Variants in KIAA0586 observed in about 807,000 individuals in gnomAD.
The protein encoded by KIAA0586 is protein TALPID3.
A neutral mutation model predicts 169.8 loss-of-function variants in KIAA0586; 144 were observed. The observed-to-expected ratio is 0.85, with a 90% CI of 0.74 to 0.97. The LOEUF is 0.97. Ranked by LOEUF, KIAA0586 falls within the 50% of genes least tolerant of loss-of-function variation. The probability of loss-of-function intolerance (pLI) is 0.00; values close to 1 mark genes in which losing one functional copy is unlikely to be tolerated. For missense variants in KIAA0586, 1,854 were observed against 1,823.0 expected (o/e 1.02, Z -0.31); for synonymous variants, 625 against 612.4 (o/e 1.02, Z -0.30).
the KIAA0586 span, among the ~76,000 whole-genome samples, chr14:58,559,184 C>A: frequency 6.6e-6 from 1 of 152,218 alleles, no homozygotes. Context: ...TTTCACCCAG[C>A]ACATGTGCAG....
At chr14:58,488,973 T>G in intron 24 of KIAA0586, 99 bp downstream of exon 24, 1 of 1,286,240 alleles carries the variant, frequency 7.8e-7, no homozygotes, top group Non-Finnish European at 1.1e-6. Flanking sequence ...CTTTCAAGAT[T>G]TAACATGGTA....
At chr14:58,492,384 G>T in intron 26 of KIAA0586, 109 bp downstream of exon 26, 2 of 903,168 alleles carry the variant, frequency 2.2e-6, no homozygotes, top group Middle Eastern at 3.4e-4. Flanking sequence ...TTTTTCAAGG[G>T]TCAGTGTTAC....
Position 58,444,184 on chromosome 14 carries a change from A to ACTGG in KIAA0586, c.807+9_807+10insCTGG. 1.3e-6 allele frequency: 2 copies of ACTGG among 1,548,406 alleles called. No individual in the cohort carries two copies. Among genetic ancestry groups the ACTGG allele is most frequent in the Non-Finnish European group, 1.8e-6 (2 of 1,122,004 alleles). On this transcript the variant is annotated intron_variant, in intron 6 of 30. Transcript: ENST00000652326. The stretch of plus-strand genomic sequence containing the variant: ...AACAAATAGATATTCAGGTATCTGT[A>ACTGG]ATAAATCCAGTACAGATTCCATAAT...
intron 4 of KIAA0586, among the ~76,000 whole-genome samples, chr14:58,438,155 A>G (rs2037994596): frequency 6.6e-6 from 1 of 152,200 alleles, no homozygotes; most frequent in Non-Finnish European, 1.5e-5. Flanking sequence ...AAACTGGCTA[A>G]AAAAGAAGAC....
At chr14:58,513,856 T>C (rs981092093) in intron 29 of KIAA0586, among the ~76,000 whole-genome samples, 1 of 152,080 alleles carries the variant, frequency 6.6e-6, no homozygotes, top group Non-Finnish European at 1.5e-5. Flanking sequence ...GGATGTTGTA[T>C]GTAATGAAAT....
At chr14:58,445,090 C>G (rs1156344261) in intron 6 of KIAA0586, among the ~76,000 whole-genome samples, 1 of 150,752 alleles carries the variant, frequency 6.6e-6, no homozygotes, top group South Asian at 2.1e-4. Flanking sequence ...GAGACCCTAT[C>G]TCAAAAAAAA....
At chr14:58,440,442 C>T (rs960880446) in intron 4 of KIAA0586, among the ~76,000 whole-genome samples, 2 of 152,198 alleles carry the variant, frequency 1.3e-5, no homozygotes, top group African/African-American at 4.8e-5. Context: ...AGCGATTCTC[C>T]TGCCTCAGCC....
At chr14:58,473,996 G>A (rs2041421963) in intron 18 of KIAA0586, among the ~76,000 whole-genome samples, 3 of 152,146 alleles carry the variant, frequency 2.0e-5, no homozygotes, top group Admixed American at 1.3e-4. Context: ...TTCTGGTCAG[G>A]ACCTCAGGAA....
intron 21 of KIAA0586, among the ~76,000 whole-genome samples, chr14:58,484,518 G>A (rs1278242087): frequency 6.6e-6 from 1 of 151,590 alleles, no homozygotes; most frequent in Non-Finnish European, 1.5e-5. Flanking sequence ...CCTAGAACTT[G>A]GTAAATAAAC....
At chr14:58,541,522 G>C (rs1275348074) in intron 30 of KIAA0586, among the ~76,000 whole-genome samples, 1 of 152,146 alleles carries the variant, frequency 6.6e-6, no homozygotes, top group East Asian at 1.9e-4. Flanking sequence ...ATCAGAATAA[G>C]ACAGCCACAA....
At position 58,467,867 on chromosome 14, in the gene KIAA0586, T is replaced by C. The variant is rs1454531587; in HGVS notation, c.2387T>C (p.Ile796Thr). The C allele has an allele frequency of 1.9e-6, 3 of 1,613,636 alleles. No homozygotes were observed. The highest frequency in any genetic ancestry group is 1.7e-5 in the Admixed American group (1 of 59,982). Reference sequence around the variant, plus strand: ...GAAACTGGAGTAAAGAAACCTAACATAGCCATTGTAGAAATGAAGTCAGAA... The same window carrying C: ...GAAACTGGAGTAAAGAAACCTAACACAGCCATTGTAGAAATGAAGTCAGAA... ...KVETGVKKPN[I>T]AIVEMKSEKK... Residue 796 changes from isoleucine to threonine, a missense_variant, in exon 16 of 31, where the codon ATA (isoleucine) becomes ACA (threonine). Ile to Thr is a moderately conservative substitution (Grantham distance 89). Coordinates refer to ENST00000652326, the MANE Select transcript of KIAA0586 (RefSeq NM_001329943.3).
chr14:58,538,123 TC>T (rs1198486965), intron 29 of KIAA0586, among the ~76,000 whole-genome samples: 2 of 152,120 alleles, frequency 1.3e-5, no homozygotes, highest in African/African-American at 2.4e-5. Context: ...ACCACTGCAC[TC>T]CAGCCTGGGT....
At chr14:58,561,707 T>C in the KIAA0586 span, among the ~76,000 whole-genome samples, 3 of 152,230 alleles carry the variant, frequency 2.0e-5, no homozygotes, top group Non-Finnish European at 2.9e-5. Context: ...ATGGATACTT[T>C]AAACTCAAAT....
At chr14:58,466,171 C>T (rs577751675) in intron 15 of KIAA0586, 142 bp downstream of exon 15, 3 of 585,636 alleles carry the variant, frequency 5.1e-6, no homozygotes, top group African/African-American at 3.8e-5. Flanking sequence ...CCACCTCAAC[C>T]TCTCAAAGTG....
chr14:58,486,085 A>G (rs2042417673), intron 21 of KIAA0586, among the ~76,000 whole-genome samples: 1 of 152,132 alleles, frequency 6.6e-6, no homozygotes, highest in Non-Finnish European at 1.5e-5. Context: ...TTTTCAACTC[A>G]TTCCCCTTTC....
intron 7 of KIAA0586, among the ~76,000 whole-genome samples, chr14:58,449,324 C>T (rs907648386): frequency 6.6e-6 from 1 of 152,092 alleles, no homozygotes; most frequent in Non-Finnish European, 1.5e-5. Context: ...TCCAGGAATT[C>T]GAGACCAACC....
chr14:58,534,946 G>A (rs2046193019), intron 29 of KIAA0586, among the ~76,000 whole-genome samples: 4 of 152,150 alleles, frequency 2.6e-5, no homozygotes, highest in African/African-American at 9.7e-5. Flanking sequence ...CAGTACACTT[G>A]TGGAAGCAGT....
rs2039089097 is a variant in KIAA0586, at chr14:58,448,454, T to C, written c.922T>C (p.Cys308Arg). 1 of 1,612,094 alleles carries C rather than the reference T, an allele frequency of 6.2e-7. No homozygotes were observed. The highest frequency in any genetic ancestry group is 1.7e-5 in the Admixed American group (1 of 59,884). ...ACCAGAACACCCTAATCTTGGTAGC[T>C]GTAATCCATCTTTATATAACACATT... ...VKPEHPNLGSCNPSLYNTFAS... is the reference protein window; with the variant it reads ...VKPEHPNLGSRNPSLYNTFAS... The change falls in exon 7 of 31, where the codon TGT (cysteine) becomes CGT (arginine). Residue 308 changes from cysteine to arginine, a missense_variant. Transcript: ENST00000652326.
At chr14:58,477,021 G>A (rs1167884826) in intron 19 of KIAA0586, 102 bp from the exon 20 acceptor site, 2 of 588,190 alleles carry the variant, frequency 3.4e-6, no homozygotes, top group African/African-American at 1.9e-5. Context: ...ACATGTTTGT[G>A]GCATTGGTAA....
Sources: allele counts gnomAD v4.1 joint callset (sites outside exome capture counted in the v4.1 genomes callset), GRCh38; gene constraint gnomAD v4.1.1; transcripts MANE v1.5; gene names NCBI Gene and HGNC (gene_info 2026-07-23, HGNC 2026-07-21).